Variants in DLG1 observed in about 807,000 individuals in gnomAD.
DLG1 encodes disks large homolog 1.
A neutral mutation model predicts 123.4 loss-of-function variants in DLG1; 42 were observed. That is an observed-to-expected ratio of 0.34 (90% CI 0.27 to 0.44). DLG1 has a LOEUF of 0.44. Ranked by LOEUF, DLG1 falls within the 20% of genes least tolerant of loss-of-function variation. The probability of loss-of-function intolerance (pLI) is 1.00; values close to 1 mark genes in which losing one functional copy is unlikely to be tolerated. For missense variants in DLG1, 942 were observed against 1,082.6 expected, an observed-to-expected ratio of 0.87 and a Z score of 1.82; for synonymous variants, 317 against 356.2, an observed-to-expected ratio of 0.89 and a Z score of 1.24.
chr3:197,130,495 A>T, intron 11 of DLG1, 32 bp downstream of exon 11: 1 of 1,527,374 alleles, frequency 6.5e-7, no homozygotes, highest in Non-Finnish European at 8.8e-7. Context: ...GAAGTAAGAT[A>T]AATTTAAGCA....
intron 5 of DLG1, among the ~76,000 whole-genome samples, chr3:197,171,576 A>G (rs748327477): frequency 2.6e-5 from 4 of 152,202 alleles, no homozygotes; most frequent in Admixed American, 6.5e-5. Flanking sequence ...CATGAGTACA[A>G]GTGTGTTAGT....
chr3:197,045,638 G>A (rs1722451676), intron 24 of DLG1, among the ~76,000 whole-genome samples: 1 of 151,998 alleles, frequency 6.6e-6, no homozygotes, highest in South Asian at 2.1e-4. Context: ...CTACTTGGGA[G>A]GCTGAGACAG....
At chr3:197,137,160 C>T (rs1785446084) in intron 9 of DLG1, among the ~76,000 whole-genome samples, 1 of 152,184 alleles carries the variant, frequency 6.6e-6, no homozygotes. Context: ...ATTCCTAAAT[C>T]CCATAGCTTC....
intron 3 of DLG1, among the ~76,000 whole-genome samples, chr3:197,283,398 G>A (rs1005684768): frequency 2.4e-4 from 36 of 152,012 alleles, no homozygotes; most frequent in Non-Finnish European, 2.9e-5. Context: ...AGAACTAGAA[G>A]GGCTTTCGGA....
intron 4 of DLG1, among the ~76,000 whole-genome samples, chr3:197,279,694 A>G (rs2151125305): frequency 6.6e-6 from 1 of 152,334 alleles, no homozygotes; most frequent in East Asian, 1.9e-4. Context: ...AGCGTTCTAG[A>G]TATGAGTGCC....
At position 197,064,100 on chromosome 3, in the gene DLG1, G is replaced by A. The variant is rs1737770505; in HGVS notation, c.2373+1176C>T. 2.6e-5 allele frequency among the ~76,000 whole-genome samples: 4 copies of A among 151,422 alleles called. No individual in the cohort carries two copies. The South Asian group carries it at 8.4e-4, about 32-fold the overall frequency. On this transcript the variant is annotated intron_variant, in intron 22 of 24. Coordinates refer to ENST00000667157, the MANE Select transcript of DLG1 (RefSeq NM_001366207.1). Reference sequence around the variant, plus strand: ...ACGCCAAGTTAATTTTTGTATTTTTGGTAGAGATGGGGTTTTGCCATGTTG... The same window carrying A: ...ACGCCAAGTTAATTTTTGTATTTTTAGTAGAGATGGGGTTTTGCCATGTTG...
At position 197,264,678 on chromosome 3, in the gene DLG1, C is replaced by T. The variant is rs111710981; in HGVS notation, c.318+18001G>A. ...CTGACCTCAGGCGATCCACCTGCCT[C>T]GGCCTCCCAAAGTGCTGGGATTACA... is the stretch of plus-strand genomic sequence containing the variant. On this transcript the variant is annotated intron_variant, in intron 4 of 24. Transcript: ENST00000667157. Among the ~76,000 whole-genome samples, 1,157 of 152,220 alleles carry T rather than the reference C, an allele frequency of 7.6e-3. 11 individuals are homozygous for T. Among genetic ancestry groups the T allele is most frequent in the African/African-American group, 0.025 (1,045 of 41,524 alleles).
rs1795515341 is a variant in DLG1, at chr3:197,154,631, C to A, written c.484-4835G>T. 3.9e-5 allele frequency among the ~76,000 whole-genome samples: 6 copies of A among 151,932 alleles called. No homozygotes were observed. In the South Asian group the frequency reaches 1.2e-3, roughly 32 times the overall value. On this transcript the variant is annotated intron_variant, in intron 5 of 24. Coordinates refer to ENST00000667157, the MANE Select transcript of DLG1 (RefSeq NM_001366207.1). ...CGGAGCTTGCAGTCAGCCGAGATGG[C>A]ACCACTGCACTCCAGCCTGGGTGAC...
intron 5 of DLG1, among the ~76,000 whole-genome samples, chr3:197,184,355 T>C (rs1392527798): frequency 6.6e-6 from 1 of 152,204 alleles, no homozygotes; most frequent in African/African-American, 2.4e-5. Flanking sequence ...ATAAGAGGAT[T>C]CTCTCTGCAA....
chr3:197,243,541 A>T (rs373003), intron 4 of DLG1, among the ~76,000 whole-genome samples: 19,795 of 152,170 alleles, frequency 0.13, 1,728 homozygotes, highest in South Asian at 0.34. Context: ...TGTTGTAATA[A>T]GTCTTTCAAC....
At chr3:197,090,641 T>C (rs1209696247) in intron 15 of DLG1, among the ~76,000 whole-genome samples, 1 of 152,038 alleles carries the variant, frequency 6.6e-6, no homozygotes, top group African/African-American at 2.4e-5. Flanking sequence ...AACACATCAA[T>C]CTGAAAACAA....
At position 197,208,010 on chromosome 3, in the gene DLG1, T is replaced by C. The variant is rs560452372; in HGVS notation, c.319-13421A>G. On this transcript the variant is annotated intron_variant, in intron 4 of 24. Transcript: ENST00000667157. ...TTGTAACTTAAATCCAAAGGACTAATTTCACAAACACATTTAAAAACTTCT... is the reference window on the plus strand; with the variant it reads ...TTGTAACTTAAATCCAAAGGACTAACTTCACAAACACATTTAAAAACTTCT... Among the ~76,000 whole-genome samples, 12 of 145,174 alleles carry C rather than the reference T, an allele frequency of 8.3e-5. 1 individual carries two copies. The South Asian group carries it at 2.9e-3, about 35-fold the overall frequency.
chr3:197,269,950 T>A (rs1763234431), intron 4 of DLG1, among the ~76,000 whole-genome samples: 1 of 152,214 alleles, frequency 6.6e-6, no homozygotes, highest in African/African-American at 2.4e-5. Flanking sequence ...ATTAATATTT[T>A]AAAATGAATA....
chr3:197,109,059 T>A (rs1252666961), intron 13 of DLG1, among the ~76,000 whole-genome samples: 1 of 152,192 alleles, frequency 6.6e-6, no homozygotes, highest in Non-Finnish European at 1.5e-5. Context: ...GGATTATAAG[T>A]AAAAATTTAA....
intron 18 of DLG1, among the ~76,000 whole-genome samples, chr3:197,073,216 T>C (rs62409329): frequency 3.7e-4 from 57 of 152,208 alleles, no homozygotes; most frequent in Non-Finnish European, 6.8e-4. Context: ...TGCACAACTA[T>C]GCGTACGTCT....
intron 4 of DLG1, among the ~76,000 whole-genome samples, chr3:197,277,982 T>G (rs1378222298): frequency 6.6e-6 from 1 of 151,354 alleles, no homozygotes; most frequent in Non-Finnish European, 1.5e-5. Context: ...TTCAAAAAAC[T>G]GTTTAAAGAA....
At chr3:197,125,401 T>C (rs899947886) in intron 11 of DLG1, among the ~76,000 whole-genome samples, 4 of 152,160 alleles carry the variant, frequency 2.6e-5, no homozygotes, top group Non-Finnish European at 5.9e-5. Context: ...GTTGGGGGAT[T>C]CTGCTGCGAA....
At chr3:197,240,456 C>G (rs1186140045) in intron 4 of DLG1, among the ~76,000 whole-genome samples, 2 of 152,160 alleles carry the variant, frequency 1.3e-5, no homozygotes, top group East Asian at 3.9e-4. Context: ...ACAAGCCAGA[C>G]AGAGAAGGCT....
rs1244338466 is a variant in DLG1, at chr3:197,140,134, A to C, written c.713+6T>G. The C allele has an allele frequency of 4.3e-6, 7 of 1,612,142 alleles. No homozygotes were observed. The highest frequency in any genetic ancestry group is 5.9e-6 in the Non-Finnish European group (7 of 1,179,054). On this transcript the variant is annotated splice_donor_region_variant and intron_variant, in intron 8 of 24. Transcript: ENST00000667157. ...TCAGCATCACAATAAAAAGCGCAAA[A>C]CATACCGCAATCTTCCATCTTGGGC...
Sources: allele counts gnomAD v4.1 joint callset (sites outside exome capture counted in the v4.1 genomes callset), GRCh38; gene constraint gnomAD v4.1.1; transcripts MANE v1.5; gene names NCBI Gene and HGNC (gene_info 2026-07-23, HGNC 2026-07-21).